Variants in FHIP2A observed in about 807,000 individuals in gnomAD.
FHIP2A encodes FHF complex subunit HOOK interacting protein 2A, also known as family with sequence similarity 160 member B1.
FHIP2A carries 46 observed loss-of-function variants against 93.5 expected under a neutral mutation model. The ratio of observed to expected loss-of-function variants is 0.49; its 90% CI spans 0.39 to 0.63. FHIP2A has a LOEUF of 0.63. Ranked by LOEUF, FHIP2A falls within the 20% of genes least tolerant of loss-of-function variation. The probability of loss-of-function intolerance (pLI) is 0.00; values close to 1 mark genes in which losing one functional copy is unlikely to be tolerated. For synonymous variants in FHIP2A, 332 were observed against 326.5 expected (o/e 1.02, Z -0.18); for missense variants, 769 against 909.7 (o/e 0.85, Z 1.99).
intron 11 of FHIP2A, 51 bp from the exon 12 acceptor site, chr10:114,847,039 A>G: frequency 6.7e-7 from 1 of 1,482,520 alleles, no homozygotes; most frequent in South Asian, 1.2e-5. Flanking sequence ...TTTGGTTTAG[A>G]AAATGTCATA....
intron 5 of FHIP2A, among the ~76,000 whole-genome samples, chr10:114,839,466 A>G (rs1224188357): frequency 2.0e-5 from 3 of 152,204 alleles, no homozygotes; most frequent in Non-Finnish European, 4.4e-5. Flanking sequence ...AGATAAGAAC[A>G]AAAGTGCTTT....
rs1198544748 is a variant in FHIP2A, at chr10:114,846,025, G to T, written c.1141G>T (p.Ala381Ser). 1 of 1,612,818 alleles carries T rather than the reference G, an allele frequency of 6.2e-7. No homozygotes were observed. The highest frequency in any genetic ancestry group is 8.5e-7 in the Non-Finnish European group (1 of 1,179,180). ...IKEAQKTAAV[A>S]LAKAVHERFF... ...TACTATATTCTAGACTGCTGCTGTTGCTCTTGCCAAAGCTGTTCATGAAAG... is the reference window on the plus strand; with the variant it reads ...TACTATATTCTAGACTGCTGCTGTTTCTCTTGCCAAAGCTGTTCATGAAAG... Residue 381 changes from alanine to serine, a missense_variant, in exon 9 of 17, where the codon GCT becomes TCT. Transcript: ENST00000369248.
intron 14 of FHIP2A, among the ~76,000 whole-genome samples, chr10:114,858,418 A>T (rs1592025042): frequency 1.3e-5 from 2 of 152,222 alleles, no homozygotes. Context: ...ACACAGAGAA[A>T]ATACAAAGTC....
chr10:114,838,877 T>A (rs1400050109), intron 5 of FHIP2A, among the ~76,000 whole-genome samples: 1 of 152,140 alleles, frequency 6.6e-6, no homozygotes, highest in African/African-American at 2.4e-5. Context: ...AAGCCTGAGG[T>A]GGTAGGTGTC....
chr10:114,842,079 G>A (rs2083672039), intron 5 of FHIP2A, among the ~76,000 whole-genome samples: 1 of 151,860 alleles, frequency 6.6e-6, no homozygotes, highest in Non-Finnish European at 1.5e-5. Context: ...ATTTTTTTGA[G>A]ACAGGGTCTT....
chr10:114,880,442 G>A (rs1457888245), intron 16 of FHIP2A, among the ~76,000 whole-genome samples: 1 of 152,200 alleles, frequency 6.6e-6, no homozygotes, highest in Non-Finnish European at 1.5e-5. Flanking sequence ...CACTTTGGGA[G>A]GCCAAGGCAG....
chr10:114,833,148 G>A, intron 2 of FHIP2A, 85 bp from the exon 3 acceptor site: 1 of 1,064,874 alleles, frequency 9.4e-7, no homozygotes. Context: ...AGTTTGAATA[G>A]GAAAAGGGAA....
intron 11 of FHIP2A, 35 bp downstream of exon 11, chr10:114,846,763 T>C: frequency 6.5e-7 from 1 of 1,530,822 alleles, no homozygotes; most frequent in Non-Finnish European, 8.8e-7. Flanking sequence ...GTTCAGCATT[T>C]CATGTAGAGA....
intron 14 of FHIP2A, among the ~76,000 whole-genome samples, chr10:114,859,953 C>T (rs560786012): frequency 2.0e-5 from 3 of 152,210 alleles, no homozygotes; most frequent in East Asian, 3.9e-4. Context: ...TTCTGTGATT[C>T]GACTTTATTT....
At chr10:114,829,327 A>C (rs969191863) in intron 1 of FHIP2A, among the ~76,000 whole-genome samples, 7 of 151,372 alleles carry the variant, frequency 4.6e-5, no homozygotes, top group African/African-American at 1.2e-4. Context: ...TGGCTTATTC[A>C]TGAACTTTCT....
chr10:114,886,810 A>G (rs1475775333), intron 16 of FHIP2A, among the ~76,000 whole-genome samples: 1 of 151,324 alleles, frequency 6.6e-6, no homozygotes, highest in Non-Finnish European at 1.5e-5. Context: ...CTCCCAAAGT[A>G]CTGTGAGCCA....
chr10:114,823,798 C>G (rs1481376728), intron 1 of FHIP2A, among the ~76,000 whole-genome samples: 2 of 151,832 alleles, frequency 1.3e-5, no homozygotes, highest in Non-Finnish European at 2.9e-5. Flanking sequence ...ACACCCGGCC[C>G]GAATCATTTT....
chr10:114,842,532 C>G (rs1472641801), intron 5 of FHIP2A, among the ~76,000 whole-genome samples: 2 of 151,982 alleles, frequency 1.3e-5, no homozygotes, highest in Non-Finnish European at 2.9e-5. Flanking sequence ...GCAAACCACC[C>G]CCCCCACCCT....
chr10:114,827,535 C>T (rs1478128002), intron 1 of FHIP2A, among the ~76,000 whole-genome samples: 4 of 152,148 alleles, frequency 2.6e-5, no homozygotes, highest in East Asian at 3.9e-4. Context: ...CGGTGGCTCA[C>T]GCCTGTAATC....
At chr10:114,865,645 A>G (rs1473961378), downstream of FHIP2A, among the ~76,000 whole-genome samples, 2 of 152,194 alleles carry the variant, frequency 1.3e-5, no homozygotes, top group African/African-American at 2.4e-5. Context: ...TTGGGAATGC[A>G]TAATTGGATC....
At chr10:114,897,951 T>C (rs149960223) in intron 16 of FHIP2A, among the ~76,000 whole-genome samples, 36 of 152,284 alleles carry the variant, frequency 2.4e-4, no homozygotes, top group African/African-American at 8.4e-4. Context: ...TTGAGAATTA[T>C]TACTATTGGG....
rs368371753 is a variant in FHIP2A at position 114,846,768 on chromosome 10, T to A, written c.1568+40T>A. ...AACTCCGTGAGTTCAGCATTTCATG[T>A]AGAGATAGAACTTTCTCTCTCCTCT... On this transcript the variant is annotated intron_variant, in intron 11 of 16. Transcript: ENST00000369248. The A allele has an allele frequency of 9.9e-5, 150 of 1,517,344 alleles. 1 individual carries two copies. The highest frequency in any genetic ancestry group is 2.0e-5 in the Non-Finnish European group (23 of 1,130,122). 94.0% of individuals were successfully genotyped at this position (1,517,344 alleles called of 1,614,324 possible).
At chr10:114,871,033 T>C (rs554807304) in intron 16 of FHIP2A, among the ~76,000 whole-genome samples, 20 of 144,444 alleles carry the variant, frequency 1.4e-4, no homozygotes, top group South Asian at 2.3e-4. Context: ...TATATATATA[T>C]ACACATACAT....
rs1331128975 is a variant in FHIP2A, at chr10:114,862,758, CT to C, written c.*1222del. On this transcript the variant is annotated 3_prime_UTR_variant, in exon 17 of 17. Coordinates refer to ENST00000369248, the MANE Select transcript of FHIP2A (RefSeq NM_020940.4). Reference sequence around the variant, plus strand: ...AGTGATGCTGATCACTCAAATAATGCTTTTAAGCTATTGTTTGTTTTTATTT... The same window carrying C: ...AGTGATGCTGATCACTCAAATAATGCTTTAAGCTATTGTTTGTTTTTATTT... 14 of 985,294 alleles carry C rather than the reference CT, an allele frequency of 1.4e-5. No individual in the cohort carries two copies. The highest frequency in any genetic ancestry group is 1.7e-5 in the Non-Finnish European group (14 of 829,946). The allele number at this position is 985,294 out of a possible 1,614,324, so 61.0% of individuals were successfully genotyped here.
Sources: gnomAD v4.1 joint callset for allele counts (sites outside exome capture counted in the v4.1 genomes callset) on GRCh38, gnomAD v4.1.1 for gene constraint, MANE v1.5 for transcripts, NCBI Gene and HGNC (gene_info 2026-07-23, HGNC 2026-07-21) for gene names.